Variants in PTPRK observed in about 807,000 individuals in gnomAD.
PTPRK encodes the protein protein tyrosine phosphatase receptor type K.
In PTPRK, 75 loss-of-function variants were observed where a neutral mutation model predicts 178.0. The ratio of observed to expected loss-of-function variants is 0.42; its 90% confidence interval spans 0.35 to 0.51. The LOEUF (loss-of-function observed/expected upper bound fraction) is 0.51, where lower values mean the gene tolerates loss of function less well. PTPRK is among the 20% of genes least tolerant of loss of function. The pLI is 0.02. For synonymous variants in PTPRK, 637 were observed against 620.6 expected (o/e 1.03, Z -0.39); for missense variants, 1,441 against 1,797.8 (o/e 0.80, Z 3.59).
At chr6:128,061,180 G>A (rs1465901524) in intron 13 of PTPRK, among the ~76,000 whole-genome samples, 2 of 151,778 alleles carry the variant, frequency 1.3e-5, no homozygotes, top group African/African-American at 4.8e-5. Context: ...AATGAACTCT[G>A]GCTTCTCCAT....
At chr6:128,048,755 A>C (rs1778508384) in intron 13 of PTPRK, among the ~76,000 whole-genome samples, 1 of 152,220 alleles carries the variant, frequency 6.6e-6, no homozygotes. Flanking sequence ...TACATAGGTT[A>C]CAGGCAAACA....
chr6:127,997,092 G>T, intron 16 of PTPRK, 104 bp from the exon 17 acceptor site: 1 of 1,167,510 alleles, frequency 8.6e-7, no homozygotes, highest in South Asian at 1.4e-5. Flanking sequence ...TCTCAGAGAG[G>T]AAAGCAGTCC....
chr6:128,138,623 T>C (rs1428015833), intron 7 of PTPRK, among the ~76,000 whole-genome samples: 1 of 152,108 alleles, frequency 6.6e-6, no homozygotes, highest in Non-Finnish European at 1.5e-5. Flanking sequence ...CTTCTTCAAT[T>C]AAGTTAAATC....
intron 7 of PTPRK, among the ~76,000 whole-genome samples, chr6:128,183,729 T>C (rs1802305447): frequency 6.6e-6 from 1 of 152,186 alleles, no homozygotes; most frequent in Non-Finnish European, 1.5e-5. Context: ...TTTTAATTAA[T>C]AGCTAACAAT....
intron 1 of PTPRK, among the ~76,000 whole-genome samples, chr6:128,508,489 T>C (rs921722359): frequency 2.0e-5 from 3 of 152,194 alleles, no homozygotes; most frequent in African/African-American, 7.2e-5. Context: ...TATATATAAG[T>C]ACTTAAAACA....
intron 13 of PTPRK, among the ~76,000 whole-genome samples, chr6:128,059,114 T>C (rs1780393804): frequency 6.6e-6 from 1 of 152,112 alleles, no homozygotes; most frequent in Non-Finnish European, 1.5e-5. Flanking sequence ...ATTTTAAGAG[T>C]AGCCTTGCAT....
chr6:128,253,045 C>T (rs533608097), intron 3 of PTPRK, among the ~76,000 whole-genome samples: 1 of 152,230 alleles, frequency 6.6e-6, no homozygotes, highest in East Asian at 1.9e-4. Flanking sequence ...ATAAGGTATG[C>T]CAAACCCCTG....
At position 128,194,321 on chromosome 6, in the gene PTPRK, C is replaced by T. The variant is rs186021118; in HGVS notation, c.869-9596G>A. 1.2e-3 allele frequency among the ~76,000 whole-genome samples: 178 copies of T among 151,908 alleles called. 2 individuals are homozygous for T. Among genetic ancestry groups the T allele is most frequent in the African/African-American group, 4.0e-3 (165 of 41,432 alleles). ...CAGGATGGTCTCGATCTCCTGACCT[C>T]GTGATCCACCCGCCTCAGCCTCCCA... On this transcript the variant is annotated intron_variant, in intron 6 of 29. Coordinates refer to ENST00000368226, the MANE Select transcript of PTPRK (RefSeq NM_002844.4).
At chr6:127,991,558 G>A (rs1239953027) in intron 19 of PTPRK, among the ~76,000 whole-genome samples, 167 bp from the exon 20 acceptor site, 1 of 147,852 alleles carries the variant, frequency 6.8e-6, no homozygotes, top group Non-Finnish European at 1.5e-5. Flanking sequence ...TCCCACAATA[G>A]GCAAAAACAC....
intron 6 of PTPRK, among the ~76,000 whole-genome samples, chr6:128,197,426 T>C (rs1399170377): frequency 6.6e-6 from 1 of 152,062 alleles, no homozygotes; most frequent in Non-Finnish European, 1.5e-5. Flanking sequence ...CAGAGAAGTA[T>C]ACTAGATGTA....
At chr6:128,088,148 C>T (rs981584433) in intron 8 of PTPRK, among the ~76,000 whole-genome samples, 12 of 152,074 alleles carry the variant, frequency 7.9e-5, no homozygotes, top group Admixed American at 5.2e-4. Flanking sequence ...GAGGCGGAGG[C>T]GGGTGGATCA....
intron 2 of PTPRK, among the ~76,000 whole-genome samples, chr6:128,375,460 T>A (rs992524241): frequency 2.0e-5 from 3 of 151,668 alleles, no homozygotes; most frequent in African/African-American, 7.3e-5. Flanking sequence ...GAGAATAGCA[T>A]GGGAAAGACC....
chr6:128,071,782 A>G (rs1782872259), intron 11 of PTPRK, among the ~76,000 whole-genome samples: 1 of 152,080 alleles, frequency 6.6e-6, no homozygotes, highest in East Asian at 1.9e-4. Context: ...CTATAAAAAT[A>G]ACAAAAAGTC....
intron 3 of PTPRK, among the ~76,000 whole-genome samples, chr6:128,275,891 T>G (rs934040788): frequency 2.0e-5 from 3 of 152,074 alleles, no homozygotes; most frequent in Non-Finnish European, 4.4e-5. Flanking sequence ...TATTTTTCTT[T>G]GCCACATGAT....
rs552024959 is a variant in PTPRK at position 128,410,340 on chromosome 6, G to A, written c.101-12652C>T. On this transcript the variant is annotated intron_variant, in intron 1 of 29. Coordinates refer to ENST00000368226, the MANE Select transcript of PTPRK (RefSeq NM_002844.4). ...ACAAGTAAATATACCCACAAAACGAGAATCATCCAATTTATAGGATTCTGC... is the reference window on the plus strand; with the variant it reads ...ACAAGTAAATATACCCACAAAACGAAAATCATCCAATTTATAGGATTCTGC... Among the ~76,000 whole-genome samples the A allele has an allele frequency of 5.9e-5, 9 of 152,206 alleles. No individual in the cohort carries two copies. In the East Asian group the frequency reaches 1.5e-3, roughly 26 times the overall value.
intron 1 of PTPRK, among the ~76,000 whole-genome samples, chr6:128,515,124 T>C (rs1009986470): frequency 4.6e-5 from 7 of 152,248 alleles, no homozygotes; most frequent in African/African-American, 1.4e-4. Flanking sequence ...CATAGTTGTA[T>C]GTAACTTATC....
chr6:128,003,133 G>A, intron 15 of PTPRK: 1 of 1,480,164 alleles, frequency 6.8e-7, no homozygotes, highest in East Asian at 2.4e-5. Flanking sequence ...TCTCTATGTG[G>A]GCAAACCCAT....
At chr6:128,471,604 T>TAAAAAAAAAAAAAAAAAAAAAAAACAAAA (rs34372021) in intron 1 of PTPRK, among the ~76,000 whole-genome samples, 1 of 63,602 alleles carries the variant, frequency 1.6e-5, no homozygotes. Context: ...CAAAACAACC[T>TAAAAAAAAAAAAAAAAAAAAAAAACAAAA]AAAAAAAAAA....
chr6:128,284,627 CT>C (rs1232742170), intron 3 of PTPRK, among the ~76,000 whole-genome samples: 2 of 152,120 alleles, frequency 1.3e-5, no homozygotes, highest in African/African-American at 4.8e-5. Flanking sequence ...AGATGACCTC[CT>C]TTTTAAAATC....
Sources: gnomAD v4.1 joint callset for allele counts (sites outside exome capture counted in the v4.1 genomes callset) on GRCh38, gnomAD v4.1.1 for gene constraint, MANE v1.5 for transcripts, NCBI Gene and HGNC (gene_info 2026-07-23, HGNC 2026-07-21) for gene names.